RABGAP1L: variants seen among roughly 807,000 people sequenced by gnomAD.
RABGAP1L encodes the protein RAB GTPase activating protein 1 like.
In RABGAP1L, 63 loss-of-function variants were observed where a neutral mutation model predicts 137.7. The observed-to-expected ratio is 0.46, with a 90% CI of 0.37 to 0.56. The LOEUF (loss-of-function observed/expected upper bound fraction) is 0.56. RABGAP1L is among the 20% of genes least tolerant of loss of function. The pLI, the probability that RABGAP1L is intolerant of heterozygous loss-of-function variation, is 0.00. For missense variants in RABGAP1L, 1,095 were observed against 1,244.0 expected, an observed-to-expected ratio of 0.88 and a Z score of 1.80; for synonymous variants, 431 against 433.7, an observed-to-expected ratio of 0.99 and a Z score of 0.08.
At chr1:174,597,780 C>T (rs1205732616) in intron 13 of RABGAP1L, among the ~76,000 whole-genome samples, 3 of 152,102 alleles carry the variant, frequency 2.0e-5, no homozygotes, top group Non-Finnish European at 4.4e-5. Context: ...TTAATGTAGG[C>T]ACTTACTGGT....
chr1:174,664,367 A>G (rs1460609871), intron 14 of RABGAP1L, among the ~76,000 whole-genome samples: 3 of 152,210 alleles, frequency 2.0e-5, no homozygotes, highest in Admixed American at 6.5e-5. Flanking sequence ...TGAATCTTAC[A>G]TTAACCTCCA....
At chr1:174,287,929 A>G (rs1676212861) in intron 10 of RABGAP1L, among the ~76,000 whole-genome samples, 1 of 151,954 alleles carries the variant, frequency 6.6e-6, no homozygotes, top group Non-Finnish European at 1.5e-5. Flanking sequence ...GTCTTTCTTT[A>G]TAATTTGGTG....
intron 17 of RABGAP1L, among the ~76,000 whole-genome samples, chr1:174,716,229 T>G (rs1359662264): frequency 6.6e-6 from 1 of 152,234 alleles, no homozygotes; most frequent in African/African-American, 2.4e-5. Context: ...GGAGGGCAAC[T>G]GAACTTAATT....
chr1:174,525,231 C>T (rs1400467952), intron 13 of RABGAP1L, among the ~76,000 whole-genome samples: 1 of 152,016 alleles, frequency 6.6e-6, no homozygotes, highest in Non-Finnish European at 1.5e-5. Flanking sequence ...TTGCTTTGGG[C>T]AGTATGGTCA....
chr1:174,419,742 T>C (rs1438927256), intron 13 of RABGAP1L, among the ~76,000 whole-genome samples: 1 of 152,216 alleles, frequency 6.6e-6, no homozygotes, highest in Non-Finnish European at 1.5e-5. Context: ...TTTTTCTTAA[T>C]TTATGCTTTA....
At chr1:174,946,863 T>C (rs1023494776) in intron 19 of RABGAP1L, among the ~76,000 whole-genome samples, 4 of 136,670 alleles carry the variant, frequency 2.9e-5, no homozygotes, top group South Asian at 2.3e-4. Context: ...ATCATGCCAC[T>C]TCACTCCAGC....
At chr1:174,770,049 G>GA (rs1212297179) in intron 18 of RABGAP1L, among the ~76,000 whole-genome samples, 1 of 151,950 alleles carries the variant, frequency 6.6e-6, no homozygotes, top group Non-Finnish European at 1.5e-5. Context: ...CTAAACACCT[G>GA]AAAAAAAGAA....
intron 17 of RABGAP1L, among the ~76,000 whole-genome samples, chr1:174,707,218 C>CTGTTT (rs3084003): frequency 0.11 from 16,493 of 150,422 alleles, 1,884 homozygotes; most frequent in African/African-American, 0.29. Context: ...AGGTTTTGTT[C>CTGTTT]TGTTTTGTTT....
intron 13 of RABGAP1L, among the ~76,000 whole-genome samples, chr1:174,507,875 AG>A (rs1661975828): frequency 1.3e-5 from 2 of 152,100 alleles, no homozygotes; most frequent in African/African-American, 4.8e-5. Context: ...ATATAATGCA[AG>A]ATTTTTAAAT....
At chr1:174,475,260 A>G (rs981613358) in intron 13 of RABGAP1L, among the ~76,000 whole-genome samples, 3 of 152,154 alleles carry the variant, frequency 2.0e-5, no homozygotes, top group African/African-American at 7.2e-5. Flanking sequence ...TACAGAGCAC[A>G]CTTGGTGTAG....
chr1:174,557,694 C>T (rs1372651004), intron 13 of RABGAP1L, among the ~76,000 whole-genome samples: 1 of 152,174 alleles, frequency 6.6e-6, no homozygotes, highest in East Asian at 1.9e-4. Context: ...AGAGATGTTG[C>T]CCAAGAATTC....
chr1:174,342,179 C>T lies in RABGAP1L; in HGVS notation c.1466-28800C>T, dbSNP rs1277736978. On this transcript the variant is annotated intron_variant, in intron 11 of 25. Transcript: ENST00000681986. ...ATGTTTAATACATATTAAACATTAA[C>T]ATTTTAACATTTTAATCAATAACAT... is the stretch of plus-strand genomic sequence containing the variant. Among the ~76,000 whole-genome samples the T allele has an allele frequency of 2.6e-5, 4 of 151,960 alleles. No homozygotes were observed. In the East Asian group the frequency reaches 7.7e-4, roughly 29 times the overall value.
intron 19 of RABGAP1L, among the ~76,000 whole-genome samples, chr1:174,947,246 A>G (rs1667032800): frequency 6.8e-6 from 1 of 147,316 alleles, no homozygotes; most frequent in African/African-American, 2.5e-5. Context: ...CACTGAGCTA[A>G]TTTTTGTATT....
intron 13 of RABGAP1L, among the ~76,000 whole-genome samples, chr1:174,540,681 G>A (rs1665320764): frequency 6.7e-6 from 1 of 150,064 alleles, no homozygotes; most frequent in African/African-American, 2.4e-5. Flanking sequence ...GTACCATGCT[G>A]TTTTGGTTAC....
intron 13 of RABGAP1L, among the ~76,000 whole-genome samples, chr1:174,424,155 A>G (rs1651680392): frequency 6.6e-6 from 1 of 152,132 alleles, no homozygotes; most frequent in South Asian, 2.1e-4. Flanking sequence ...CCTAGCATAT[A>G]GGATATATCT....
At chr1:174,233,710 A>T (rs1261173966) in intron 4 of RABGAP1L, among the ~76,000 whole-genome samples, 1 of 131,536 alleles carries the variant, frequency 7.6e-6, no homozygotes, top group East Asian at 2.0e-4. Context: ...ATTGTGAATA[A>T]TGCTGCAATA....
intron 12 of RABGAP1L, among the ~76,000 whole-genome samples, chr1:174,377,338 C>A (rs937807545): frequency 6.6e-6 from 1 of 151,954 alleles, no homozygotes; most frequent in Non-Finnish European, 1.5e-5. Context: ...TTTTTGGTAG[C>A]AACCAACAAG....
chr1:174,940,266 C>CTT (rs531025242), intron 19 of RABGAP1L, among the ~76,000 whole-genome samples: 3 of 140,786 alleles, frequency 2.1e-5, no homozygotes, highest in Non-Finnish European at 1.6e-5. Context: ...TTGTTTGTTT[C>CTT]TTTTTTTTTT....
intron 18 of RABGAP1L, among the ~76,000 whole-genome samples, chr1:174,806,669 G>A (rs1689331183): frequency 6.6e-6 from 1 of 152,240 alleles, no homozygotes; most frequent in African/African-American, 2.4e-5. Flanking sequence ...GTAGCACTAG[G>A]ATGGTGAGAA....
Sources: allele counts gnomAD v4.1 joint callset (sites outside exome capture counted in the v4.1 genomes callset), GRCh38; gene constraint gnomAD v4.1.1; transcripts MANE v1.5; gene names NCBI Gene and HGNC (gene_info 2026-07-23, HGNC 2026-07-21).